SYNDIG1: variants seen among roughly 807,000 people sequenced by gnomAD.
SYNDIG1 encodes synapse differentiation inducing 1, also known as synapse differentiation-inducing gene protein 1.
Under a neutral mutation model 19.4 loss-of-function variants are expected in SYNDIG1, and 9 were observed. The ratio of observed to expected loss-of-function variants is 0.46; its 90% CI spans 0.28 to 0.81. The LOEUF (loss-of-function observed/expected upper bound fraction) is 0.81. SYNDIG1 is among the 30% of genes least tolerant of loss of function. SYNDIG1 has a pLI of 0.12. For missense variants in SYNDIG1, 311 were observed against 343.3 expected, an observed-to-expected ratio of 0.91 and a Z score of 0.74; for synonymous variants, 141 against 145.9, an observed-to-expected ratio of 0.97 and a Z score of 0.24.
At chr20:24,497,545 C>T (rs1415027713) in intron 1 of SYNDIG1, among the ~76,000 whole-genome samples, 1 of 152,166 alleles carries the variant, frequency 6.6e-6, no homozygotes, top group Non-Finnish European at 1.5e-5. Flanking sequence ...CACAAATGGG[C>T]TTCTTAGATT....
intron 2 of SYNDIG1, among the ~76,000 whole-genome samples, 199 bp downstream of exon 2, chr20:24,543,776 A>T (rs1333232810): frequency 6.6e-6 from 1 of 152,182 alleles, no homozygotes; most frequent in Non-Finnish European, 1.5e-5. Flanking sequence ...GATTAACAGA[A>T]ACCCAGGGGC....
At chr20:24,504,530 G>A (rs2056539491) in intron 1 of SYNDIG1, among the ~76,000 whole-genome samples, 1 of 152,164 alleles carries the variant, frequency 6.6e-6, no homozygotes, top group Non-Finnish European at 1.5e-5. Flanking sequence ...CTGGCTCTAG[G>A]TCTCCATCTG....
chr20:24,583,880 G>A (rs1439217534), intron 2 of SYNDIG1, among the ~76,000 whole-genome samples: 1 of 152,166 alleles, frequency 6.6e-6, no homozygotes, highest in African/African-American at 2.4e-5. Flanking sequence ...GCCTGCCAGA[G>A]GTTGGAGGGT....
Position 24,604,786 on chromosome 20 carries a change from C to T in SYNDIG1, c.618+19793C>T, listed in dbSNP as rs371081762. On this transcript the variant is annotated intron_variant, in intron 3 of 3. Transcript: ENST00000376862. ...TTGCTTTCACTTTACTCTATGGACC[C>T]ACCTCAAATTCTTTCTGGCATGAAG... Among the ~76,000 whole-genome samples the T allele has an allele frequency of 1.2e-4, 19 of 152,130 alleles. 1 individual carries two copies. Among genetic ancestry groups the T allele is most frequent in the East Asian group, 7.7e-4 (4 of 5,192 alleles).
intron 3 of SYNDIG1, among the ~76,000 whole-genome samples, chr20:24,627,873 C>T (rs1461425215): frequency 6.6e-6 from 1 of 152,244 alleles, no homozygotes; most frequent in African/African-American, 2.4e-5. Context: ...GTTGGAGAAT[C>T]AAGTGCTCAG....
At chr20:24,530,193 C>CTT in intron 1 of SYNDIG1, among the ~76,000 whole-genome samples, 1 of 152,162 alleles carries the variant, frequency 6.6e-6, no homozygotes, top group South Asian at 2.1e-4. Context: ...TCTGAATCTG[C>CTT]AGGTTTTCTT....
chr20:24,664,453 G>A lies in SYNDIG1; in HGVS notation c.619-893G>A, dbSNP rs548543326. On this transcript the variant is annotated intron_variant, in intron 3 of 3. Transcript: ENST00000376862. ...GGGTAGTCCTGACCACAGGGGGCCC[G>A]CGGGTGGCTTGGGAGTCAACCCTCC... Among the ~76,000 whole-genome samples, 357 of 152,234 alleles carry A rather than the reference G, an allele frequency of 2.3e-3. 2 individuals are homozygous for A. The highest frequency in any genetic ancestry group is 7.5e-3 in the African/African-American group (312 of 41,522).
intron 3 of SYNDIG1, among the ~76,000 whole-genome samples, chr20:24,621,594 G>A (rs529562868): frequency 1.3e-5 from 2 of 152,078 alleles, no homozygotes; most frequent in South Asian, 2.1e-4. Flanking sequence ...CTTTTTTTGG[G>A]GGAAAACTCT....
intron 3 of SYNDIG1, among the ~76,000 whole-genome samples, chr20:24,631,745 T>TAC (rs2059247443): frequency 6.6e-6 from 1 of 152,174 alleles, no homozygotes; most frequent in East Asian, 1.9e-4. Flanking sequence ...TATATATATA[T>TAC]ACACACACAT....
At chr20:24,584,316 C>T (rs2058377104) in intron 2 of SYNDIG1, among the ~76,000 whole-genome samples, 1 of 152,226 alleles carries the variant, frequency 6.6e-6, no homozygotes, top group East Asian at 1.9e-4. Context: ...CAATGTCCTC[C>T]GTCGATCCAC....
At chr20:24,546,904 A>G (rs898541830) in intron 2 of SYNDIG1, among the ~76,000 whole-genome samples, 3 of 152,314 alleles carry the variant, frequency 2.0e-5, no homozygotes, top group African/African-American at 4.8e-5. Context: ...AGAAAAAAAA[A>G]TGTGATTTTT....
At chr20:24,515,393 A>C (rs2056840426) in intron 1 of SYNDIG1, among the ~76,000 whole-genome samples, 1 of 152,236 alleles carries the variant, frequency 6.6e-6, no homozygotes, top group Non-Finnish European at 1.5e-5. Flanking sequence ...AGAGGAAGTC[A>C]AATTGTCCCT....
intron 1 of SYNDIG1, among the ~76,000 whole-genome samples, chr20:24,512,538 A>T (rs765765622): frequency 6.6e-6 from 1 of 151,972 alleles, no homozygotes; most frequent in African/African-American, 2.4e-5. Flanking sequence ...AGCCTCGCTC[A>T]TTGCTAGCAC....
chr20:24,651,996 G>T (rs967637597), intron 3 of SYNDIG1, among the ~76,000 whole-genome samples: 1 of 152,344 alleles, frequency 6.6e-6, no homozygotes, highest in African/African-American at 2.4e-5. Flanking sequence ...ATATGGAGTA[G>T]AAAAGTCTCC....
chr20:24,579,983 G>A (rs1195582543), intron 2 of SYNDIG1, among the ~76,000 whole-genome samples: 3 of 152,230 alleles, frequency 2.0e-5, no homozygotes, highest in Non-Finnish European at 4.4e-5. Context: ...CTCTCTCTGT[G>A]GAGGTAAGGA....
chr20:24,641,948 G>A (rs947809549), intron 3 of SYNDIG1, among the ~76,000 whole-genome samples: 2 of 152,168 alleles, frequency 1.3e-5, no homozygotes, highest in Non-Finnish European at 2.9e-5. Flanking sequence ...TGACACATTT[G>A]TCACAATTAA....
intron 1 of SYNDIG1, among the ~76,000 whole-genome samples, chr20:24,504,194 G>A (rs532359106): frequency 1.2e-4 from 18 of 152,196 alleles, no homozygotes; most frequent in African/African-American, 3.6e-4. Flanking sequence ...TCCTGACCTC[G>A]TGATCCGCCC....
rs76990769 is a variant in SYNDIG1, at chr20:24,662,193, G to A, written c.619-3153G>A. ...CAGCTAAAGCACGTTTGTTCTGGCTGTCCGTCCTCTGCTTGTGTAACTTTT... is the reference window on the plus strand; with the variant it reads ...CAGCTAAAGCACGTTTGTTCTGGCTATCCGTCCTCTGCTTGTGTAACTTTT... On this transcript the variant is annotated intron_variant, in intron 3 of 3. Transcript: ENST00000376862. Among the ~76,000 whole-genome samples, 571 of 151,728 alleles carry A rather than the reference G, an allele frequency of 3.8e-3. 5 individuals carry two copies. Among genetic ancestry groups the A allele is most frequent in the African/African-American group, 0.013 (556 of 41,338 alleles).
chr20:24,578,504 G>A (rs964968932), intron 2 of SYNDIG1, among the ~76,000 whole-genome samples: 2 of 151,998 alleles, frequency 1.3e-5, no homozygotes, highest in African/African-American at 4.8e-5. Flanking sequence ...TCAGAAAGTA[G>A]ACAAATCGGT....
Sources: gnomAD v4.1 joint callset for allele counts (sites outside exome capture counted in the v4.1 genomes callset) on GRCh38, gnomAD v4.1.1 for gene constraint, MANE v1.5 for transcripts, NCBI Gene and HGNC (gene_info 2026-07-23, HGNC 2026-07-21) for gene names.